Variants in CEP162 observed in about 807,000 individuals in gnomAD.
CEP162 encodes centrosomal protein 162.
Under a neutral mutation model 169.2 loss-of-function variants are expected in CEP162, and 141 were observed. That is an observed-to-expected ratio of 0.83 (90% confidence interval 0.73 to 0.96). The LOEUF is 0.96. Ranked by LOEUF, CEP162 falls within the 40% of genes least tolerant of loss-of-function variation. The probability of loss-of-function intolerance (pLI) is 0.00; values close to 1 mark genes in which losing one functional copy is unlikely to be tolerated. For missense variants in CEP162, 1,600 were observed against 1,587.2 expected (o/e 1.01, Z -0.14); for synonymous variants, 540 against 526.4 (o/e 1.03, Z -0.35).
At chr6:84,145,179 G>A (rs2099518289) in intron 25 of CEP162, among the ~76,000 whole-genome samples, 1 of 152,048 alleles carries the variant, frequency 6.6e-6, no homozygotes, top group Non-Finnish European at 1.5e-5. Flanking sequence ...TCACTTCCTG[G>A]CAAGCCCAGG....
At chr6:84,182,705 A>G (rs560691436) in intron 13 of CEP162, among the ~76,000 whole-genome samples, 38 of 152,282 alleles carry the variant, frequency 2.5e-4, no homozygotes, top group African/African-American at 8.4e-4. Context: ...GTGACAGTTA[A>G]GACAAAAGTC....
At chr6:84,224,740 A>G (rs1286880955) in intron 2 of CEP162, among the ~76,000 whole-genome samples, 3 of 151,120 alleles carry the variant, frequency 2.0e-5, no homozygotes, top group Non-Finnish European at 4.4e-5. Context: ...AGGAAGAGAG[A>G]CACAGACAGA....
Position 84,176,077 on chromosome 6 carries a change from C to T in CEP162, c.1664-730G>A, listed in dbSNP as rs138099945. ...AGTACCTAAAAAGGATCCTAAGGTC[C>T]ATATTCAAATACTACAGGTCCTGAG... On this transcript the variant is annotated intron_variant, in intron 13 of 26. Transcript: ENST00000403245. 3.4e-3 allele frequency among the ~76,000 whole-genome samples: 522 copies of T among 152,018 alleles called. 2 individuals are homozygous for T. Among genetic ancestry groups the T allele is most frequent in the African/African-American group, 0.012 (480 of 41,466 alleles).
At chr6:84,200,266 A>G (rs2099543949) in intron 9 of CEP162, among the ~76,000 whole-genome samples, 1 of 152,174 alleles carries the variant, frequency 6.6e-6, no homozygotes, top group Non-Finnish European at 1.5e-5. Context: ...AAACAAAACA[A>G]AACAAAAAAA....
intron 3 of CEP162, chr6:84,219,230 T>A: frequency 9.6e-7 from 1 of 1,042,758 alleles, no homozygotes; most frequent in African/African-American, 1.7e-5. Context: ...ATTTAGAACA[T>A]AATACAAACT....
At chr6:84,128,885 C>T (rs2099510056) in intron 25 of CEP162, among the ~76,000 whole-genome samples, 1 of 151,280 alleles carries the variant, frequency 6.6e-6, no homozygotes, top group Non-Finnish European at 1.5e-5. Flanking sequence ...ATGTTCCCCT[C>T]CTATGTCACT....
At chr6:84,166,417 G>A (rs2099527859) in intron 18 of CEP162, among the ~76,000 whole-genome samples, 1 of 152,126 alleles carries the variant, frequency 6.6e-6, no homozygotes, top group African/African-American at 2.4e-5. Context: ...ACTATTAAAT[G>A]CTGCCTTACC....
chr6:84,191,628 A>G (rs2099539966), intron 11 of CEP162, among the ~76,000 whole-genome samples: 1 of 152,198 alleles, frequency 6.6e-6, no homozygotes, highest in Non-Finnish European at 1.5e-5. Flanking sequence ...CACAACGAGA[A>G]GCATACTCAA....
At chr6:84,185,918 T>A (rs1472013448) in intron 12 of CEP162, among the ~76,000 whole-genome samples, 1 of 152,108 alleles carries the variant, frequency 6.6e-6, no homozygotes, top group African/African-American at 2.4e-5. Context: ...AGATCAAGAA[T>A]ACAGGAAAAA....
At chr6:84,141,190 T>C (rs2099516449) in intron 25 of CEP162, among the ~76,000 whole-genome samples, 1 of 152,180 alleles carries the variant, frequency 6.6e-6, no homozygotes, top group Non-Finnish European at 1.5e-5. Context: ...TGGGGACCCC[T>C]GGTCTAGAAT....
intron 13 of CEP162, among the ~76,000 whole-genome samples, chr6:84,179,446 G>T (rs776961568): frequency 1.2e-4 from 18 of 152,146 alleles, no homozygotes; most frequent in Admixed American, 4.6e-4. Context: ...TCTGTTGGCT[G>T]CATAAATGTC....
chr6:84,195,985 A>G (rs948413320), intron 9 of CEP162, among the ~76,000 whole-genome samples: 8 of 152,210 alleles, frequency 5.3e-5, no homozygotes, highest in Admixed American at 4.6e-4. Context: ...ATTCCCTACT[A>G]AAACTTGTTC....
At position 84,169,434 on chromosome 6, in the gene CEP162, C is replaced by G; in HGVS notation, c.2280-1G>C. 1.3e-6 allele frequency: 2 copies of G among 1,530,184 alleles called. No homozygotes were observed. The highest frequency in any genetic ancestry group is 1.8e-6 in the Non-Finnish European group (2 of 1,132,560). 94.8% of individuals were successfully genotyped at this position (1,530,184 alleles called of 1,614,324 possible). ...AAAACGACTTTTGTGCATCTGTTCT[C>G]TAATTTATTTTGAAAATAAAAAGTT... On this transcript the variant is annotated splice_acceptor_variant, in intron 17 of 26. Transcript: ENST00000403245. LOFTEE classifies it high-confidence loss of function.
chr6:84,138,494 A>C (rs187056288), intron 25 of CEP162, among the ~76,000 whole-genome samples: 1 of 152,306 alleles, frequency 6.6e-6, no homozygotes, highest in Non-Finnish European at 1.5e-5. Flanking sequence ...AGTCTTGTCA[A>C]AACAGCTAGA....
Position 84,171,637 on chromosome 6 carries a change from G to T in CEP162, c.2248C>A (p.Gln750Lys), listed in dbSNP as rs1165724399. The T allele has an allele frequency of 1.3e-6, 2 of 1,533,180 alleles. No individual in the cohort carries two copies. The highest frequency in any genetic ancestry group is 1.8e-6 in the Non-Finnish European group (2 of 1,140,010). 95.0% of individuals were successfully genotyped at this position (1,533,180 alleles called of 1,614,324 possible). A position where few individuals can be genotyped will look rare whatever the true frequency, so the allele number is the denominator to read the frequency against. The change falls in exon 17 of 27, where the codon CAA (glutamine) becomes AAA (lysine). Residue 750 changes from glutamine to lysine, a missense_variant. Gln to Lys is a moderately conservative substitution (Grantham distance 53, BLOSUM62 1). Transcript: ENST00000403245. ...KNEERMFKENQSLFSEVASLK... is the reference protein window; with the variant it reads ...KNEERMFKENKSLFSEVASLK... ...GAAGCTACCTCACTGAATAAACTTT[G>T]GTTTTCCTTAAACATTCGCTCCTCA...
Position 84,196,210 on chromosome 6 carries a change from T to C in CEP162, c.836-1135A>G, listed in dbSNP as rs574634877. Among the ~76,000 whole-genome samples, 6 of 152,282 alleles carry C rather than the reference T, an allele frequency of 3.9e-5. No homozygotes were observed. In the East Asian group the frequency reaches 9.7e-4, roughly 25 times the overall value. On this transcript the variant is annotated intron_variant, in intron 9 of 26. Transcript: ENST00000403245. ...ATGGGGGTGGGTCTTTTCTGTGTTG[T>C]TCTCATGATAGTGAACGAGTCTCAT...
intron 6 of CEP162, among the ~76,000 whole-genome samples, chr6:84,211,593 T>C (rs2099549523): frequency 6.7e-6 from 1 of 148,306 alleles, no homozygotes. Context: ...ACCAGTAACT[T>C]GAAGCAAAAG....
chr6:84,193,797 G>A (rs1398744498), intron 10 of CEP162, 107 bp from the exon 11 acceptor site: 2 of 566,958 alleles, frequency 3.5e-6, no homozygotes, highest in South Asian at 2.5e-5. Context: ...TTAATAAAAC[G>A]GTACATGCAA....
intron 13 of CEP162, among the ~76,000 whole-genome samples, chr6:84,182,110 T>G (rs1042578719): frequency 2.7e-4 from 41 of 152,076 alleles, no homozygotes; most frequent in African/African-American, 9.7e-4. Flanking sequence ...AATCTCATTC[T>G]TATAAAATAT....
Sources: gnomAD v4.1 joint callset for allele counts (sites outside exome capture counted in the v4.1 genomes callset) on GRCh38, gnomAD v4.1.1 for gene constraint, MANE v1.5 for transcripts, NCBI Gene and HGNC (gene_info 2026-07-23, HGNC 2026-07-21) for gene names.